Variants in GNB4 observed in about 807,000 individuals in gnomAD.
GNB4 encodes the protein G protein subunit beta 4, also known as guanine nucleotide-binding protein subunit beta-4.
A neutral mutation model predicts 45.2 loss-of-function variants in GNB4; 28 were observed. The ratio of observed to expected loss-of-function variants is 0.62; its 90% CI spans 0.46 to 0.85. The LOEUF is 0.85. Ranked by LOEUF, GNB4 falls within the 40% of genes least tolerant of loss-of-function variation. The pLI, the probability that GNB4 is intolerant of heterozygous loss-of-function variation, is 0.00. For missense variants in GNB4, 321 were observed against 425.4 expected, an observed-to-expected ratio of 0.75 and a Z score of 2.16; for synonymous variants, 132 against 143.7, an observed-to-expected ratio of 0.92 and a Z score of 0.58.
chr3:179,407,158 G>A (rs144099879), intron 8 of GNB4, among the ~76,000 whole-genome samples: 22 of 152,200 alleles, frequency 1.4e-4, no homozygotes, highest in African/African-American at 5.1e-4. Flanking sequence ...GCGTGCCTCT[G>A]AGAAACAATA....
Position 179,413,424 on chromosome 3 carries a change from G to C in GNB4, c.687C>G (p.Ile229Met). The change falls in exon 8 of 10, where the codon ATC becomes ATG. Residue 229 changes from isoleucine to methionine, a missense_variant. Coordinates refer to ENST00000232564, the MANE Select transcript of GNB4 (RefSeq NM_021629.4). ...GCTATTCACTTACACTGACAGCATT[G>C]ATATCTGAGACATGTCCCGTGAAAG... is the stretch of plus-strand genomic sequence containing the variant. ...RQSFTGHVSD[I>M]NAVSFFPNGY... The C allele has an allele frequency of 6.2e-7, 1 of 1,612,852 alleles. No individual in the cohort carries two copies. The highest frequency in any genetic ancestry group is 8.5e-7 in the Non-Finnish European group (1 of 1,178,894).
chr3:179,405,463 C>T, intron 8 of GNB4, 57 bp from the exon 9 acceptor site: 4 of 1,214,654 alleles, frequency 3.3e-6, no homozygotes, highest in Non-Finnish European at 4.7e-6. Flanking sequence ...TCATAGGAGG[C>T]AATGTAATAA....
the GNB4 span, among the ~76,000 whole-genome samples, chr3:179,499,158 T>TC: frequency 9.2e-5 from 6 of 65,330 alleles, no homozygotes; most frequent in Non-Finnish European, 1.1e-4. Context: ...ACATTTTCTT[T>TC]TTTTTTTTTT....
the GNB4 span, among the ~76,000 whole-genome samples, chr3:179,466,260 C>A: frequency 6.6e-6 from 1 of 152,082 alleles, no homozygotes; most frequent in Non-Finnish European, 1.5e-5. Flanking sequence ...ATCCACCTAC[C>A]TCGGCCTCCC....
At chr3:179,489,181 C>A in the GNB4 span, among the ~76,000 whole-genome samples, 4 of 149,224 alleles carry the variant, frequency 2.7e-5, no homozygotes, top group African/African-American at 9.8e-5. Flanking sequence ...ATAGTTTTAC[C>A]ACAAATGTCA....
chr3:179,489,793 C>T, the GNB4 span, among the ~76,000 whole-genome samples: 4 of 152,148 alleles, frequency 2.6e-5, no homozygotes, highest in Admixed American at 2.6e-4. Context: ...TGATTTAATT[C>T]TCTCAGAGTG....
At chr3:179,455,536 C>T (rs1715964510), upstream of GNB4, among the ~76,000 whole-genome samples, 1 of 152,210 alleles carries the variant, frequency 6.6e-6, no homozygotes, top group South Asian at 2.1e-4. Flanking sequence ...CCGGGGATGA[C>T]TTCACTAATC....
At chr3:179,417,928 G>A (rs1208714368) in intron 4 of GNB4, among the ~76,000 whole-genome samples, 1 of 151,946 alleles carries the variant, frequency 6.6e-6, no homozygotes, top group African/African-American at 2.4e-5. Context: ...GAAATCAATT[G>A]GCATCATCAG....
At chr3:179,480,171 C>T in the GNB4 span, among the ~76,000 whole-genome samples, 1 of 152,248 alleles carries the variant, frequency 6.6e-6, no homozygotes, top group African/African-American at 2.4e-5. Context: ...CGCCAGATGA[C>T]AGTGCCATGC....
the GNB4 span, among the ~76,000 whole-genome samples, chr3:179,504,956 T>C: frequency 1.3e-5 from 2 of 152,062 alleles, no homozygotes; most frequent in African/African-American, 4.8e-5. Flanking sequence ...TAGTGGGAGA[T>C]TCTGGCAGGG....
At chr3:179,432,686 C>T (rs1559978613) in intron 1 of GNB4, among the ~76,000 whole-genome samples, 1 of 152,158 alleles carries the variant, frequency 6.6e-6, no homozygotes, top group Non-Finnish European at 1.5e-5. Context: ...ACTATTACAT[C>T]AGGTATAGTT....
At chr3:179,418,470 CAAAAAAA>C (rs386356535) in intron 4 of GNB4, among the ~76,000 whole-genome samples, 10 of 95,378 alleles carry the variant, frequency 1.0e-4, no homozygotes, top group African/African-American at 2.4e-4. Flanking sequence ...AACTCTGTCT[CAAAAAAA>C]AAAAAAAAAA....
In GNB4 at chr3:179,420,945, G is replaced by A. The variant is rs373632737; in HGVS notation, c.58-18C>T. 2.9e-5 allele frequency: 43 copies of A among 1,487,828 alleles called. No individual in the cohort carries two copies. Among genetic ancestry groups the A allele is most frequent in the Non-Finnish European group, 3.6e-5 (39 of 1,070,240 alleles). The allele number at this position is 1,487,828 out of a possible 1,614,324, so 92.2% of individuals were successfully genotyped here. ...CGAGCATCCTGAAGTAAAAAAATAT[G>A]ATTATAATGCATTTAGCAACCTGTG... On this transcript the variant is annotated intron_variant, in intron 2 of 9. Coordinates refer to ENST00000232564, the MANE Select transcript of GNB4 (RefSeq NM_021629.4).
chr3:179,483,319 A>G, the GNB4 span, among the ~76,000 whole-genome samples: 1 of 152,026 alleles, frequency 6.6e-6, no homozygotes, highest in Non-Finnish European at 1.5e-5. Context: ...TTTAAAAATC[A>G]TAGTGAACTT....
chr3:179,497,417 G>T, the GNB4 span, among the ~76,000 whole-genome samples: 43 of 151,928 alleles, frequency 2.8e-4, no homozygotes, highest in African/African-American at 1.0e-3. Flanking sequence ...AAACATAGAA[G>T]AAAAGCTTCT....
intron 1 of GNB4, among the ~76,000 whole-genome samples, chr3:179,439,781 C>A (rs1213283615): frequency 6.6e-6 from 1 of 152,212 alleles, no homozygotes; most frequent in Non-Finnish European, 1.5e-5. Flanking sequence ...TCCCAATATC[C>A]TGCCCTTTCT....
At chr3:179,405,647 C>T in intron 8 of GNB4, 1 of 402,632 alleles carries the variant, frequency 2.5e-6, no homozygotes, top group Non-Finnish European at 4.5e-6. Flanking sequence ...AGCAAGTATT[C>T]AACAAATACT....
the GNB4 span, among the ~76,000 whole-genome samples, chr3:179,478,174 T>A: frequency 0.1 from 15,804 of 152,126 alleles, 967 homozygotes; most frequent in Non-Finnish European, 0.13. Context: ...ACTTTCATGA[T>A]AACAAACCAA....
At chr3:179,450,724 T>C (rs1715847263) in intron 1 of GNB4, among the ~76,000 whole-genome samples, 3 of 152,258 alleles carry the variant, frequency 2.0e-5, no homozygotes, top group Admixed American at 2.0e-4. Flanking sequence ...CAATCATCTG[T>C]GTTCTGAAGC....
Sources: gnomAD v4.1 joint callset for allele counts (sites outside exome capture counted in the v4.1 genomes callset) on GRCh38, gnomAD v4.1.1 for gene constraint, MANE v1.5 for transcripts, NCBI Gene and HGNC (gene_info 2026-07-23, HGNC 2026-07-21) for gene names.